XYLT1: variants seen among roughly 807,000 people sequenced by gnomAD.
The protein encoded by XYLT1 is beta-D-xylosyltransferase 1.
XYLT1 carries 36 observed loss-of-function variants against 91.3 expected under a neutral mutation model. That is an observed-to-expected ratio of 0.39 (90% CI 0.30 to 0.52). XYLT1 has a LOEUF of 0.52. Ranked by LOEUF, XYLT1 falls within the 20% of genes least tolerant of loss-of-function variation. The pLI, the probability that XYLT1 is intolerant of heterozygous loss-of-function variation, is 0.68. For missense variants in XYLT1, 1,242 were observed against 1,284.5 expected, an observed-to-expected ratio of 0.97 and a Z score of 0.51; for synonymous variants, 588 against 532.0, an observed-to-expected ratio of 1.11 and a Z score of -1.45.
chr16:17,116,626 A>AT (rs748893170), intron 11 of XYLT1, among the ~76,000 whole-genome samples: 1 of 152,156 alleles, frequency 6.6e-6, no homozygotes, highest in East Asian at 1.9e-4. Flanking sequence ...AATAATTCTC[A>AT]TGTGAGCATT....
chr16:17,452,545 G>T (rs2036680692), intron 1 of XYLT1, among the ~76,000 whole-genome samples: 2 of 151,950 alleles, frequency 1.3e-5, no homozygotes, highest in African/African-American at 4.8e-5. Context: ...TCTGGGCACA[G>T]TTTTAACCTT....
At chr16:17,314,488 T>G (rs1050521661) in intron 2 of XYLT1, among the ~76,000 whole-genome samples, 6 of 152,204 alleles carry the variant, frequency 3.9e-5, no homozygotes, top group African/African-American at 7.2e-5. Flanking sequence ...CCTCTCTGAC[T>G]CCCACCAATT....
chr16:17,247,153 ATTTATT>A (rs2033448397), intron 3 of XYLT1, among the ~76,000 whole-genome samples: 5 of 85,702 alleles, frequency 5.8e-5, no homozygotes, highest in South Asian at 3.8e-4. Context: ...TCATTCATTC[ATTTATT>A]CATTCACTCA....
At chr16:17,381,011 A>C (rs1048691985) in intron 1 of XYLT1, among the ~76,000 whole-genome samples, 2 of 152,222 alleles carry the variant, frequency 1.3e-5, no homozygotes, top group Non-Finnish European at 2.9e-5. Flanking sequence ...GTGAGAGTGG[A>C]CAATGAGGGG....
intron 1 of XYLT1, among the ~76,000 whole-genome samples, chr16:17,441,169 G>T (rs963150095): frequency 6.6e-6 from 1 of 151,776 alleles, no homozygotes; most frequent in Non-Finnish European, 1.5e-5. Context: ...ACGCCTCCCA[G>T]GTTCAAGCGA....
At chr16:17,241,233 G>A (rs572822258) in intron 3 of XYLT1, among the ~76,000 whole-genome samples, 210 of 152,354 alleles carry the variant, frequency 1.4e-3, no homozygotes, top group Middle Eastern at 6.8e-3. Flanking sequence ...TGCACCTAAT[G>A]GTGCAGTTCC....
At position 17,257,588 on chromosome 16, in the gene XYLT1, G is replaced by A. The variant is rs578207773; in HGVS notation, c.913+1400C>T. On this transcript the variant is annotated intron_variant, in intron 3 of 11. Transcript: ENST00000261381. Reference sequence around the variant, plus strand: ...AGGGGCTAGCGGGAGGGAAGGGGGCGTGCCCTAAACAACAGTGACCACGAG... The same window carrying A: ...AGGGGCTAGCGGGAGGGAAGGGGGCATGCCCTAAACAACAGTGACCACGAG... Among the ~76,000 whole-genome samples the A allele has an allele frequency of 4.6e-5, 7 of 152,278 alleles. No homozygotes were observed. The East Asian group carries it at 7.7e-4, about 17-fold the overall frequency.
chr16:17,123,314 T>C (rs975987371), intron 10 of XYLT1, among the ~76,000 whole-genome samples: 2 of 152,196 alleles, frequency 1.3e-5, no homozygotes, highest in Non-Finnish European at 2.9e-5. Flanking sequence ...TGTTCTTGTT[T>C]CTCTAGCTCA....
intron 2 of XYLT1, among the ~76,000 whole-genome samples, chr16:17,288,288 A>C: frequency 6.6e-6 from 1 of 151,114 alleles, no homozygotes; most frequent in East Asian, 2.0e-4. Flanking sequence ...CCAATATAAA[A>C]ATAGTGCAGT....
At chr16:17,379,777 A>ATTT (rs2035655515) in intron 1 of XYLT1, among the ~76,000 whole-genome samples, 1 of 150,882 alleles carries the variant, frequency 6.6e-6, no homozygotes, top group African/African-American at 2.4e-5. Context: ...ACACACACAC[A>ATTT]CACACACACA....
chr16:17,125,082 TG>T (rs1186403538), intron 10 of XYLT1, among the ~76,000 whole-genome samples: 2 of 152,220 alleles, frequency 1.3e-5, no homozygotes, highest in Non-Finnish European at 2.9e-5. Context: ...ATTGTTTTTC[TG>T]GTAATTCAGA....
chr16:17,459,607 T>C (rs2036788652), intron 1 of XYLT1, among the ~76,000 whole-genome samples: 1 of 152,158 alleles, frequency 6.6e-6, no homozygotes, highest in Non-Finnish European at 1.5e-5. Context: ...AATCCACCCA[T>C]CCAAAACAAA....
At chr16:17,391,558 C>A (rs1380194128) in intron 1 of XYLT1, among the ~76,000 whole-genome samples, 1 of 152,226 alleles carries the variant, frequency 6.6e-6, no homozygotes, top group Non-Finnish European at 1.5e-5. Context: ...AATAAACCCA[C>A]TGGGCAATTA....
intron 3 of XYLT1, among the ~76,000 whole-genome samples, chr16:17,210,165 A>T (rs2141598262): frequency 6.6e-6 from 1 of 152,236 alleles, no homozygotes; most frequent in African/African-American, 2.4e-5. Flanking sequence ...AGTAGCTGGG[A>T]CCAGAGGCAT....
At chr16:17,375,928 T>G (rs2035595438) in intron 1 of XYLT1, among the ~76,000 whole-genome samples, 1 of 152,208 alleles carries the variant, frequency 6.6e-6, no homozygotes, top group African/African-American at 2.4e-5. Context: ...GTGGCAGTGT[T>G]GAAAAGGGAC....
chr16:17,421,991 CT>C (rs887276114), intron 1 of XYLT1, among the ~76,000 whole-genome samples: 16 of 150,746 alleles, frequency 1.1e-4, no homozygotes, highest in Non-Finnish European at 4.4e-5. Flanking sequence ...GTCTGGCTAG[CT>C]TTTTTTTTGA....
intron 1 of XYLT1, among the ~76,000 whole-genome samples, chr16:17,400,813 G>A (rs1026703013): frequency 2.0e-5 from 3 of 152,072 alleles, no homozygotes; most frequent in African/African-American, 7.2e-5. Flanking sequence ...GCCGGAGGAG[G>A]GGACACCTGA....
intron 1 of XYLT1, among the ~76,000 whole-genome samples, chr16:17,383,869 T>C (rs1567403236): frequency 6.6e-6 from 1 of 151,176 alleles, no homozygotes; most frequent in Non-Finnish European, 1.5e-5. Context: ...TGTCTCAGCC[T>C]CTCGAGTAGC....
rs536676578 is a variant in XYLT1, at chr16:17,436,577, G to A, written c.363+33857C>T. 1.6e-3 allele frequency among the ~76,000 whole-genome samples: 244 copies of A among 152,276 alleles called. 1 individual carries two copies. The highest frequency in any genetic ancestry group is 5.5e-3 in the African/African-American group (229 of 41,538). ...CAATCACATTCAGCTTTTAAGCTAC[G>A]GGTTGGGAACGAGGTCATTCTATAA... On this transcript the variant is annotated intron_variant, in intron 1 of 11. Transcript: ENST00000261381.
Sources: gnomAD v4.1 joint callset for allele counts (sites outside exome capture counted in the v4.1 genomes callset) on GRCh38, gnomAD v4.1.1 for gene constraint, MANE v1.5 for transcripts, NCBI Gene and HGNC (gene_info 2026-07-23, HGNC 2026-07-21) for gene names.